Variants in CLSTN2 observed in about 807,000 individuals in gnomAD.
CLSTN2 encodes calsyntenin 2.
Under a neutral mutation model 101.2 loss-of-function variants are expected in CLSTN2, and 48 were observed. That is an observed-to-expected ratio of 0.47 (90% CI 0.38 to 0.60). The LOEUF (loss-of-function observed/expected upper bound fraction) is 0.60. CLSTN2 is among the 20% of genes least tolerant of loss of function. CLSTN2 has a pLI of 0.00. For missense variants in CLSTN2, 1,160 were observed against 1,238.2 expected (o/e 0.94, Z 0.95); for synonymous variants, 481 against 463.6 (o/e 1.04, Z -0.48).
chr3:139,950,684 C>G (rs1203692819), intron 1 of CLSTN2, among the ~76,000 whole-genome samples: 3 of 152,172 alleles, frequency 2.0e-5, no homozygotes, highest in Non-Finnish European at 2.9e-5. Context: ...ATGAAAGGTA[C>G]TGATACTGTT....
chr3:140,428,214 G>A (rs2088593210), intron 5 of CLSTN2, among the ~76,000 whole-genome samples: 1 of 152,124 alleles, frequency 6.6e-6, no homozygotes, highest in Admixed American at 6.5e-5. Flanking sequence ...TTGGAGAAAT[G>A]CATCCCTTGT....
At chr3:140,553,424 A>G (rs1559902680) in intron 10 of CLSTN2, among the ~76,000 whole-genome samples, 1 of 152,220 alleles carries the variant, frequency 6.6e-6, no homozygotes, top group Non-Finnish European at 1.5e-5. Context: ...GAAATACTCC[A>G]AAGTTGCATT....
At chr3:140,007,731 A>G (rs2006987014) in intron 1 of CLSTN2, among the ~76,000 whole-genome samples, 1 of 152,186 alleles carries the variant, frequency 6.6e-6, no homozygotes, top group African/African-American at 2.4e-5. Flanking sequence ...TTGCAAAGCT[A>G]AGTACGCTCC....
At chr3:140,372,460 C>G (rs1263386402) in intron 2 of CLSTN2, among the ~76,000 whole-genome samples, 1 of 152,136 alleles carries the variant, frequency 6.6e-6, no homozygotes, top group Non-Finnish European at 1.5e-5. Flanking sequence ...TTGGGATGAG[C>G]AAAGTATCCC....
chr3:139,969,017 A>T (rs1576380340), intron 1 of CLSTN2, among the ~76,000 whole-genome samples: 1 of 151,980 alleles, frequency 6.6e-6, no homozygotes, highest in East Asian at 1.9e-4. Flanking sequence ...GAGTATTAAT[A>T]ACATTATGGA....
intron 1 of CLSTN2, among the ~76,000 whole-genome samples, chr3:140,095,848 A>G (rs1030544143): frequency 6.6e-6 from 1 of 152,078 alleles, no homozygotes; most frequent in Admixed American, 6.6e-5. Flanking sequence ...AAACCCCGTA[A>G]ATTAGTGTTA....
chr3:140,469,526 C>G (rs1933785692), intron 8 of CLSTN2, among the ~76,000 whole-genome samples: 1 of 152,196 alleles, frequency 6.6e-6, no homozygotes, highest in Non-Finnish European at 1.5e-5. Context: ...AAGGTCACCT[C>G]CCCCAGGAAG....
intron 2 of CLSTN2, among the ~76,000 whole-genome samples, chr3:140,300,051 C>T (rs2087043462): frequency 6.6e-6 from 1 of 152,208 alleles, no homozygotes; most frequent in Non-Finnish European, 1.5e-5. Flanking sequence ...TGCTCAGAAG[C>T]TACAGCTCTT....
chr3:140,166,802 G>C (rs1422698730), intron 1 of CLSTN2, among the ~76,000 whole-genome samples: 1 of 152,176 alleles, frequency 6.6e-6, no homozygotes, highest in Non-Finnish European at 1.5e-5. Flanking sequence ...ATGGAAAAGA[G>C]ATAAGAAAGA....
intron 4 of CLSTN2, among the ~76,000 whole-genome samples, chr3:140,414,893 A>G (rs527457739): frequency 1.3e-5 from 2 of 152,188 alleles, no homozygotes; most frequent in East Asian, 3.9e-4. Context: ...AAGAAGAACA[A>G]ACCTGGAGGT....
chr3:140,429,265 C>T (rs347331), intron 5 of CLSTN2, among the ~76,000 whole-genome samples: 49,198 of 151,778 alleles, frequency 0.32, 8,366 homozygotes, highest in East Asian at 0.64. Flanking sequence ...GCTGGGGATA[C>T]GGGTAGGATC....
chr3:140,146,504 G>T (rs1201669445), intron 1 of CLSTN2, among the ~76,000 whole-genome samples: 1 of 152,208 alleles, frequency 6.6e-6, no homozygotes, highest in African/African-American at 2.4e-5. Context: ...AAGTCCTTCT[G>T]TCCTCAAAGC....
chr3:140,421,324 A>G, intron 5 of CLSTN2, 50 bp downstream of exon 5: 1 of 1,604,294 alleles, frequency 6.2e-7, no homozygotes, highest in Non-Finnish European at 8.5e-7. Context: ...TCTGATGTAT[A>G]GAAGGTGGTG....
In CLSTN2 at chr3:140,568,776, C is replaced by T. The variant is rs2107797578; in HGVS notation, c.*2523C>T. 6.6e-6 allele frequency: 1 copy of T among 152,054 alleles called. No homozygotes were observed. The highest frequency in any genetic ancestry group is 1.9e-4 in the East Asian group (1 of 5,178). The allele number at this position is 152,054 out of a possible 1,614,324, so 9.4% of individuals were successfully genotyped here. A position where few individuals can be genotyped will look rare whatever the true frequency, so the allele number is the denominator to read the frequency against. On this transcript the variant is annotated 3_prime_UTR_variant, in exon 17 of 17. Transcript: ENST00000458420. ...GGTGTTCCTCATGCTCTCTGGGTGGCTGCCTTATTCATAGTTGAGAGAGCT... is the reference window on the plus strand; with the variant it reads ...GGTGTTCCTCATGCTCTCTGGGTGGTTGCCTTATTCATAGTTGAGAGAGCT...
At chr3:140,008,342 C>G (rs1463634706) in intron 1 of CLSTN2, among the ~76,000 whole-genome samples, 1 of 152,242 alleles carries the variant, frequency 6.6e-6, no homozygotes, top group Non-Finnish European at 1.5e-5. Context: ...ATCCTTTTCT[C>G]TTTGCCCAGT....
intron 2 of CLSTN2, among the ~76,000 whole-genome samples, chr3:140,347,975 G>A (rs1458683773): frequency 6.6e-6 from 1 of 152,196 alleles, no homozygotes; most frequent in Non-Finnish European, 1.5e-5. Context: ...TGATGAGTTA[G>A]CATTGACTAT....
At chr3:139,996,375 C>T (rs1479312421) in intron 1 of CLSTN2, among the ~76,000 whole-genome samples, 1 of 152,162 alleles carries the variant, frequency 6.6e-6, no homozygotes, top group Non-Finnish European at 1.5e-5. Flanking sequence ...GCCAAATTAT[C>T]TTTCAAAGCA....
chr3:140,250,807 AT>A (rs763549911), intron 2 of CLSTN2, among the ~76,000 whole-genome samples: 1 of 152,200 alleles, frequency 6.6e-6, no homozygotes, highest in Non-Finnish European at 1.5e-5. Flanking sequence ...AATTAAATCC[AT>A]TTTAATAATA....
intron 1 of CLSTN2, among the ~76,000 whole-genome samples, chr3:140,127,027 A>ATG (rs2009445229): frequency 6.6e-6 from 1 of 152,188 alleles, no homozygotes; most frequent in African/African-American, 2.4e-5. Flanking sequence ...TGTGTCATAT[A>ATG]TATATATCAT....
Sources: gnomAD v4.1 joint callset for allele counts (sites outside exome capture counted in the v4.1 genomes callset) on GRCh38, gnomAD v4.1.1 for gene constraint, MANE v1.5 for transcripts, NCBI Gene and HGNC (gene_info 2026-07-23, HGNC 2026-07-21) for gene names.